The following PPFIA2 variants were observed in gnomAD, a reference collection of about 807,000 sequenced individuals.
PPFIA2 encodes the protein liprin-alpha-2.
A neutral mutation model predicts 175.5 loss-of-function variants in PPFIA2; 46 were observed. That is an observed-to-expected ratio of 0.26 (90% confidence interval 0.21 to 0.34). The LOEUF (loss-of-function observed/expected upper bound fraction) is 0.34, where lower values mean the gene tolerates loss of function less well. Among genes scored for constraint, PPFIA2 ranks in the 10% least tolerant of loss-of-function variants. The pLI is 1.00. For synonymous variants in PPFIA2, 568 were observed against 511.4 expected, an observed-to-expected ratio of 1.11 and a Z score of -1.49; for missense variants, 1,179 against 1,506.1, an observed-to-expected ratio of 0.78 and a Z score of 3.60.
chr12:81,306,307 T>G (rs1440879380), intron 22 of PPFIA2, among the ~76,000 whole-genome samples: 7 of 152,130 alleles, frequency 4.6e-5, no homozygotes, highest in Non-Finnish European at 1.0e-4. Flanking sequence ...TGAGCTTGAT[T>G]CCTTTGCCTG....
intron 6 of PPFIA2, among the ~76,000 whole-genome samples, chr12:81,442,845 CTTCATATATA>C (rs1458465315): frequency 1.7e-4 from 9 of 51,524 alleles, no homozygotes; most frequent in African/African-American, 6.0e-4. Flanking sequence ...CTTTTTCTGA[CTTCATATATA>C]TATATATATA....
chr12:81,441,674 T>C (rs923282205), intron 6 of PPFIA2, among the ~76,000 whole-genome samples: 6 of 152,062 alleles, frequency 3.9e-5, no homozygotes, highest in African/African-American at 1.4e-4. Context: ...CCCGAAGCCA[T>C]GAAAATGAGC....
chr12:81,471,446 G>A (rs1332493570), intron 4 of PPFIA2: 1 of 149,922 alleles, frequency 6.7e-6, no homozygotes, highest in Non-Finnish European at 1.5e-5. Flanking sequence ...TTTCAGCCAT[G>A]AGCCACAGTG....
intron 23 of PPFIA2, 126 bp downstream of exon 23, chr12:81,299,175 A>G: frequency 2.4e-6 from 3 of 1,241,594 alleles, no homozygotes; most frequent in South Asian, 2.3e-5. Flanking sequence ...GTAAGCAAAT[A>G]GTCCCTTATG....
At chr12:81,267,872 A>G in intron 29 of PPFIA2, 40 bp downstream of exon 29, 1 of 1,535,260 alleles carries the variant, frequency 6.5e-7, no homozygotes, top group Non-Finnish European at 8.8e-7. Context: ...ATCATTATAT[A>G]AACCAGAACA....
chr12:81,753,629 T>C (rs1317143140), intron 3 of PPFIA2, among the ~76,000 whole-genome samples: 6 of 152,126 alleles, frequency 3.9e-5, no homozygotes, highest in Non-Finnish European at 8.8e-5. Flanking sequence ...AATGTCAATA[T>C]TGTGTTTAAA....
At chr12:81,642,648 A>ACGTATGTATATATTATATACATACACG (rs1171999439) in intron 4 of PPFIA2, among the ~76,000 whole-genome samples, 1 of 68,560 alleles carries the variant, frequency 1.5e-5, no homozygotes, top group African/African-American at 5.1e-5. Context: ...ATATACATAC[A>ACGTATGTATATATTATATACATACACG]TGTATGTATC....
intron 4 of PPFIA2, among the ~76,000 whole-genome samples, chr12:81,608,609 CCTTTGTGTTT>C (rs1300586387): frequency 6.6e-6 from 1 of 151,838 alleles, no homozygotes; most frequent in Non-Finnish European, 1.5e-5. Flanking sequence ...CTCCGAGAAT[CCTTTGTGTTT>C]CTGTGGGATC....
At chr12:81,379,060 G>A (rs868099975) in intron 9 of PPFIA2, among the ~76,000 whole-genome samples, 1 of 152,050 alleles carries the variant, frequency 6.6e-6, no homozygotes, top group Non-Finnish European at 1.5e-5. Context: ...ATTACATGCA[G>A]GAATTTTTGC....
At chr12:81,487,270 G>A (rs1343341976) in intron 4 of PPFIA2, among the ~76,000 whole-genome samples, 3 of 151,868 alleles carry the variant, frequency 2.0e-5, no homozygotes, top group Non-Finnish European at 4.4e-5. Flanking sequence ...CGAAGCAACT[G>A]CTTGTTATTT....
At chr12:81,555,600 G>A (rs563741137) in intron 4 of PPFIA2, among the ~76,000 whole-genome samples, 132 of 151,970 alleles carry the variant, frequency 8.7e-4, no homozygotes, top group African/African-American at 3.1e-3. Context: ...TTTAGTCATA[G>A]GTTTGTTTAA....
chr12:81,511,408 T>A (rs1038097815), intron 4 of PPFIA2, among the ~76,000 whole-genome samples: 8 of 152,044 alleles, frequency 5.3e-5, no homozygotes, highest in African/African-American at 1.4e-4. Flanking sequence ...ACATCAAGAT[T>A]TATAAACAAT....
chr12:81,310,706 G>A (rs180783368), intron 22 of PPFIA2, among the ~76,000 whole-genome samples: 1 of 152,212 alleles, frequency 6.6e-6, no homozygotes, highest in Admixed American at 6.5e-5. Context: ...CAACATGGTT[G>A]ACGAGTACTC....
intron 7 of PPFIA2, among the ~76,000 whole-genome samples, chr12:81,427,235 G>T (rs1371953890): frequency 6.6e-6 from 1 of 152,062 alleles, no homozygotes; most frequent in Non-Finnish European, 1.5e-5. Context: ...AGGTGACATA[G>T]TAACTACACC....
chr12:81,720,786 T>C (rs2079211520), intron 3 of PPFIA2, among the ~76,000 whole-genome samples: 1 of 151,436 alleles, frequency 6.6e-6, no homozygotes, highest in Admixed American at 6.6e-5. Flanking sequence ...TTCCTTTTTG[T>C]GACTGAGCTG....
chr12:81,530,572 T>C (rs974788930), intron 4 of PPFIA2, among the ~76,000 whole-genome samples: 2 of 151,788 alleles, frequency 1.3e-5, no homozygotes, highest in Non-Finnish European at 2.9e-5. Flanking sequence ...GGGCGAAGTG[T>C]GGCAACTGGA....
intron 9 of PPFIA2, among the ~76,000 whole-genome samples, chr12:81,379,175 A>T (rs1410340286): frequency 6.6e-6 from 1 of 152,190 alleles, no homozygotes; most frequent in Non-Finnish European, 1.5e-5. Flanking sequence ...TTTACAAGTC[A>T]GAGAAATAGC....
intron 3 of PPFIA2, among the ~76,000 whole-genome samples, chr12:81,735,607 AT>A (rs754845595): frequency 2.0e-5 from 3 of 151,412 alleles, no homozygotes; most frequent in Non-Finnish European, 3.0e-5. Flanking sequence ...TCTATTTATA[AT>A]TTTTTTTGTG....
intron 4 of PPFIA2, among the ~76,000 whole-genome samples, chr12:81,501,080 G>C (rs1213959388): frequency 6.6e-6 from 1 of 152,128 alleles, no homozygotes; most frequent in African/African-American, 2.4e-5. Context: ...AGTGGCTTCC[G>C]ACCTCACTCA....
Sources: gnomAD v4.1 joint callset for allele counts (sites outside exome capture counted in the v4.1 genomes callset) on GRCh38, gnomAD v4.1.1 for gene constraint, MANE v1.5 for transcripts, NCBI Gene and HGNC (gene_info 2026-07-23, HGNC 2026-07-21) for gene names.